The following CLSTN1 variants were observed in gnomAD, a reference collection of about 807,000 sequenced individuals.
The protein encoded by CLSTN1 is calsyntenin 1.
CLSTN1 carries 28 observed loss-of-function variants against 108.3 expected under a neutral mutation model. The observed-to-expected ratio is 0.26, with a 90% CI of 0.19 to 0.35. The LOEUF (loss-of-function observed/expected upper bound fraction) is 0.35, where lower values mean the gene tolerates loss of function less well. CLSTN1 is among the 10% of genes least tolerant of loss of function. CLSTN1 has a pLI of 1.00. For missense variants in CLSTN1, 1,157 were observed against 1,302.6 expected (o/e 0.89, Z 1.72); for synonymous variants, 524 against 534.9 (o/e 0.98, Z 0.28).
chr1:9,818,625 C>G (rs1570531507), intron 1 of CLSTN1, among the ~76,000 whole-genome samples: 1 of 151,892 alleles, frequency 6.6e-6, no homozygotes. Context: ...CCGCGCCAGG[C>G]CTTGGTTGTT....
intron 1 of CLSTN1, among the ~76,000 whole-genome samples, chr1:9,789,021 G>C (rs1222685545): frequency 6.6e-6 from 1 of 150,708 alleles, no homozygotes; most frequent in Non-Finnish European, 1.5e-5. Context: ...ATTCCTTTTC[G>C]AGGCTGGATG....
Position 9,734,039 on chromosome 1 carries a change from C to T in CLSTN1, c.2214G>A (p.Val738=), listed in dbSNP as rs1383199778. The change falls in exon 15 of 19, where the codon GTG becomes GTA. Residue 738 remains valine (V), a synonymous_variant. Transcript: ENST00000377298. This position sits in a 1 kb window ranked among gnomAD's most constrained non-coding sequence, Gnocchi z 4.8. ...ELNHEQESLE[V]DMARLQQKGI... is the part of the protein sequence containing the mutation. ...CCTTCTGCTGCAGGCGGGCCATGTCCACCTCCAGGCTCTCCTGCTCGTGGT... is the reference window on the plus strand; with the variant it reads ...CCTTCTGCTGCAGGCGGGCCATGTCTACCTCCAGGCTCTCCTGCTCGTGGT... 3 of 1,614,106 alleles carry T rather than the reference C, an allele frequency of 1.9e-6. No individual in the cohort carries two copies. Among genetic ancestry groups the T allele is most frequent in the East Asian group, 2.2e-5 (1 of 44,890 alleles).
At chr1:9,740,907 C>CA (rs1392620308) in intron 10 of CLSTN1, among the ~76,000 whole-genome samples, 187 bp downstream of exon 10, 1 of 152,116 alleles carries the variant, frequency 6.6e-6, no homozygotes, top group Non-Finnish European at 1.5e-5. Flanking sequence ...CACCTACAGA[C>CA]AGAGCTATGC....
chr1:9,735,454 A>T lies in CLSTN1; in HGVS notation c.1883+13T>A. 6.2e-7 allele frequency: 1 copy of T among 1,614,192 alleles called. No individual in the cohort carries two copies. Among genetic ancestry groups the T allele is most frequent in the Non-Finnish European group, 8.5e-7 (1 of 1,180,040 alleles). ...TGGGCAAAACAGGCCGGCTGTTAAA[A>T]ATCAGGACGTACTTGATTGTGCTGG... On this transcript the variant is annotated intron_variant, in intron 13 of 18. Transcript: ENST00000377298.
At chr1:9,762,732 C>T (rs1055860302) in intron 2 of CLSTN1, among the ~76,000 whole-genome samples, 3 of 151,312 alleles carry the variant, frequency 2.0e-5, no homozygotes, top group East Asian at 3.9e-4. Flanking sequence ...CCGCACTCAA[C>T]GGCTGGGTGT....
intron 1 of CLSTN1, among the ~76,000 whole-genome samples, chr1:9,803,889 G>A (rs1654392121): frequency 6.6e-6 from 1 of 152,126 alleles, no homozygotes; most frequent in African/African-American, 2.4e-5. Flanking sequence ...GCCATCTTGT[G>A]AGGAAAAACG....
At chr1:9,766,228 A>G (rs1045117601) in intron 2 of CLSTN1, among the ~76,000 whole-genome samples, 2 of 152,178 alleles carry the variant, frequency 1.3e-5, no homozygotes, top group Admixed American at 1.3e-4. Flanking sequence ...CACCTCCTAG[A>G]AGGAGGAGCT....
At chr1:9,797,944 A>C (rs1557719965) in intron 1 of CLSTN1, among the ~76,000 whole-genome samples, 1 of 151,728 alleles carries the variant, frequency 6.6e-6, no homozygotes, top group Non-Finnish European at 1.5e-5. Flanking sequence ...AAATCCAAAA[A>C]TTAGCCAGGC....
intron 1 of CLSTN1, among the ~76,000 whole-genome samples, chr1:9,785,810 T>TC (rs1343607408): frequency 2.6e-5 from 4 of 151,136 alleles, no homozygotes; most frequent in Non-Finnish European, 5.9e-5. Flanking sequence ...TTTTTTTTTT[T>TC]CCGAGTCAGG....
chr1:9,808,647 T>C (rs1401004495), intron 1 of CLSTN1, among the ~76,000 whole-genome samples: 2 of 151,898 alleles, frequency 1.3e-5, no homozygotes, highest in African/African-American at 4.8e-5. Flanking sequence ...AGGGGCCAGT[T>C]CGGTTTACCC....
intron 1 of CLSTN1, among the ~76,000 whole-genome samples, chr1:9,777,864 G>A (rs1653032919): frequency 1.3e-5 from 2 of 152,042 alleles, no homozygotes; most frequent in South Asian, 2.1e-4. Context: ...CTGCCCTCTC[G>A]CATCCTGCCA....
At chr1:9,765,570 C>T (rs1652287117) in intron 2 of CLSTN1, among the ~76,000 whole-genome samples, 1 of 150,534 alleles carries the variant, frequency 6.6e-6, no homozygotes, top group Non-Finnish European at 1.5e-5. Context: ...ACGGAGACTC[C>T]ATCTCAAAAA....
chr1:9,755,636 A>G (rs1044364885), intron 3 of CLSTN1, among the ~76,000 whole-genome samples: 1 of 152,210 alleles, frequency 6.6e-6, no homozygotes. Flanking sequence ...AAGGAGTCTC[A>G]TTAGCACACA....
intron 7 of CLSTN1, 69 bp downstream of exon 7, chr1:9,749,392 T>C: frequency 1.5e-6 from 2 of 1,347,712 alleles, no homozygotes; most frequent in Non-Finnish European, 2.0e-6. Context: ...ACACAAGTAT[T>C]TCCAGTTGTA....
rs113273763 is a variant in CLSTN1, at chr1:9,823,437, G to A, written c.91+206C>T. On this transcript the variant is annotated intron_variant, in intron 1 of 18. Coordinates refer to ENST00000377298, the MANE Select transcript of CLSTN1 (RefSeq NM_001009566.3). The surrounding 1 kb of genome is among the most constrained non-coding windows in gnomAD (Gnocchi z 6.3). ...CACAGTCTCCTGCGCCCTGGCCCCG[G>A]CTCCGCGAGCCCGACCCCCAACCCG... Among the ~76,000 whole-genome samples the A allele has an allele frequency of 0.013, 2,044 of 152,126 alleles. 62 individuals are homozygous for A. Among genetic ancestry groups the A allele is most frequent in the African/African-American group, 0.047 (1,950 of 41,502 alleles).
At chr1:9,787,009 G>A (rs1261862480) in intron 1 of CLSTN1, among the ~76,000 whole-genome samples, 2 of 151,436 alleles carry the variant, frequency 1.3e-5, no homozygotes, top group Non-Finnish European at 2.9e-5. Context: ...TGCCAGGAGA[G>A]TCCCAAGAAC....
chr1:9,774,294 G>A (rs1652831517), intron 1 of CLSTN1, among the ~76,000 whole-genome samples: 1 of 152,088 alleles, frequency 6.6e-6, no homozygotes, highest in South Asian at 2.1e-4. Context: ...ATCCGGGCGT[G>A]GTGGCTCACG....
chr1:9,772,266 G>T (rs1652728181), intron 2 of CLSTN1, among the ~76,000 whole-genome samples: 1 of 149,718 alleles, frequency 6.7e-6, no homozygotes, highest in Admixed American at 6.8e-5. Flanking sequence ...ACAGGCATGA[G>T]CCACTGTGCC....
At chr1:9,816,198 T>C (rs1654961896) in intron 1 of CLSTN1, among the ~76,000 whole-genome samples, 1 of 152,160 alleles carries the variant, frequency 6.6e-6, no homozygotes, top group South Asian at 2.1e-4. Context: ...GAAGTCCTGA[T>C]ACATGCTACA....
Sources: gnomAD v4.1 joint callset for allele counts (sites outside exome capture counted in the v4.1 genomes callset) on GRCh38, gnomAD v4.1.1 for gene constraint, Gnocchi (gnomAD v3.1) non-coding constraint, MANE v1.5 for transcripts, NCBI Gene and HGNC (gene_info 2026-07-23, HGNC 2026-07-21) for gene names.